SATB2: variants seen among roughly 807,000 people sequenced by gnomAD.
SATB2 encodes the protein SATB homeobox 2, also known as DNA-binding protein SATB2.
SATB2 carries 1 observed loss-of-function variant against 73.4 expected under a neutral mutation model. The observed-to-expected ratio is 0.01, with a 90% confidence interval of 0.00 to 0.06. SATB2 has a LOEUF of 0.06. Ranked by LOEUF, SATB2 falls within the 10% of genes least tolerant of loss-of-function variation. The probability of loss-of-function intolerance (pLI) is 1.00; values close to 1 mark genes in which losing one functional copy is unlikely to be tolerated. For missense variants in SATB2, 459 were observed against 945.8 expected, an observed-to-expected ratio of 0.49 and a Z score of 6.75; for synonymous variants, 397 against 367.0, an observed-to-expected ratio of 1.08 and a Z score of -0.93.
intron 9 of SATB2, among the ~76,000 whole-genome samples, chr2:199,316,871 G>A (rs990372291): frequency 1.4e-4 from 22 of 151,998 alleles, no homozygotes; most frequent in Admixed American, 9.2e-4. Context: ...TAGAATCCTG[G>A]ACTTCTTCAC....
intron 3 of SATB2, chr2:199,396,270 T>C (rs954393233): frequency 2.6e-5 from 4 of 152,208 alleles, no homozygotes; most frequent in African/African-American, 9.7e-5. Context: ...AATAGAGTCA[T>C]AAGAGATGCT....
chr2:199,378,676 G>GCA lies in SATB2; in HGVS notation c.597+1686_597+1687dup, dbSNP rs773370434. ...TCCAAATTCCAAAACACCCTCAAAG[G>GCA]CACACACACACACATTCAGTTCACA... On this transcript the variant is annotated intron_variant, in intron 5 of 10. Transcript: ENST00000417098. 5.9e-5 allele frequency among the ~76,000 whole-genome samples: 9 copies of GCA among 151,660 alleles called. No homozygotes were observed. The East Asian group carries it at 1.2e-3, about 20-fold the overall frequency.
chr2:199,455,155 T>C lies in SATB2; in HGVS notation c.169+714A>G, dbSNP rs1692236717. 6.6e-6 allele frequency among the ~76,000 whole-genome samples: 1 copy of C among 152,254 alleles called. No homozygotes were observed. Among genetic ancestry groups the C allele is most frequent in the African/African-American group, 2.4e-5 (1 of 41,478 alleles). ...CTTTAAAAGAAAGTAGTTGCTTAAG[T>C]AGTAAAAACTACAAAAGATTTTCTT... On this transcript the variant is annotated intron_variant, in intron 2 of 10. Transcript: ENST00000417098. The surrounding 1 kb of genome is among the most constrained non-coding windows in gnomAD (Gnocchi z 4.1).
Position 199,278,529 on chromosome 2 carries a change from G to A in SATB2, c.1741-5857C>T, listed in dbSNP as rs188729552. On this transcript the variant is annotated intron_variant, in intron 10 of 10. Coordinates refer to ENST00000417098, the MANE Select transcript of SATB2 (RefSeq NM_001172509.2). ...AAAATGACACCTGAGAGAGCCACAC[G>A]GCCAGAGCATGGAGTGCTTGGCATT... is the stretch of plus-strand genomic sequence containing the variant. Among the ~76,000 whole-genome samples the A allele has an allele frequency of 1.2e-4, 19 of 152,270 alleles. No individual in the cohort carries two copies. The East Asian group carries it at 3.3e-3, about 26-fold the overall frequency.
intron 10 of SATB2, among the ~76,000 whole-genome samples, chr2:199,282,353 C>A (rs1203792282): frequency 6.6e-6 from 1 of 151,304 alleles, no homozygotes; most frequent in Non-Finnish European, 1.5e-5. Flanking sequence ...GGATATAATT[C>A]TTTTCTGTGT....
At chr2:199,365,567 T>G (rs909601272) in intron 6 of SATB2, among the ~76,000 whole-genome samples, 1 of 152,152 alleles carries the variant, frequency 6.6e-6, no homozygotes, top group Non-Finnish European at 1.5e-5. Flanking sequence ...AAAGTTAACA[T>G]GCTAAGCCAA....
upstream of SATB2, chr2:199,458,718 T>G (rs1692378375): frequency 2.3e-6 from 1 of 434,888 alleles, no homozygotes; most frequent in Non-Finnish European, 4.6e-6. Context: ...GCGGAGTACT[T>G]TCGACTTTGG....
intron 5 of SATB2, among the ~76,000 whole-genome samples, chr2:199,376,882 T>C (rs183306948): frequency 6.6e-6 from 1 of 152,258 alleles, no homozygotes; most frequent in Admixed American, 6.5e-5. Context: ...AAAAGAATAG[T>C]GCATTCTAGC....
chr2:199,343,228 G>C lies in SATB2; in HGVS notation c.1173+5473C>G, dbSNP rs574488224. On this transcript the variant is annotated intron_variant, in intron 7 of 10. Coordinates refer to ENST00000417098, the MANE Select transcript of SATB2 (RefSeq NM_001172509.2). Reference sequence around the variant, plus strand: ...AAATGAACACACACGATTTGCTCTTGGTATAACCATGAAGCACAAATCCAG... The same window carrying C: ...AAATGAACACACACGATTTGCTCTTCGTATAACCATGAAGCACAAATCCAG... 3.3e-5 allele frequency among the ~76,000 whole-genome samples: 5 copies of C among 151,528 alleles called. No homozygotes were observed. The East Asian group carries it at 9.8e-4, about 30-fold the overall frequency.
At chr2:199,364,852 T>C (rs1480472232) in intron 6 of SATB2, among the ~76,000 whole-genome samples, 1 of 152,120 alleles carries the variant, frequency 6.6e-6, no homozygotes, top group Admixed American at 6.6e-5. Context: ...TATAAAAGAT[T>C]CTTTATTAAG....
intron 10 of SATB2, among the ~76,000 whole-genome samples, chr2:199,304,628 A>C (rs184457887): frequency 3.3e-5 from 5 of 152,254 alleles, no homozygotes; most frequent in Admixed American, 2.0e-4. Flanking sequence ...CCAGGAACCA[A>C]TTCTCACCAC....
chr2:199,285,617 T>C (rs1006986464), intron 10 of SATB2, among the ~76,000 whole-genome samples: 2 of 151,806 alleles, frequency 1.3e-5, no homozygotes, highest in South Asian at 2.1e-4. Flanking sequence ...TGATGACAAA[T>C]TGCAGACTAC....
At chr2:199,448,187 G>A (rs921335959) in intron 2 of SATB2, among the ~76,000 whole-genome samples, 3 of 152,126 alleles carry the variant, frequency 2.0e-5, no homozygotes, top group African/African-American at 4.8e-5. Flanking sequence ...TGCATCGTCA[G>A]TAAGCTATTA....
chr2:199,308,867 G>A lies in SATB2; in HGVS notation c.1633C>T (p.Leu545=). Residue 545 remains leucine, a synonymous_variant, in exon 10 of 11, where the codon CTG becomes TTG. Transcript: ENST00000417098. The surrounding 1 kb of genome is among the most constrained non-coding windows in gnomAD (Gnocchi z 4.6). The stretch of plus-strand genomic sequence containing the variant: ...TCCCTCTCATGCTGGGGAAGGTTCA[G>A]GAAGCGACGGATGGTACAGAGGTTT... ...WENLCTIRRF[L]NLPQHERDVI... The A allele has an allele frequency of 6.2e-7, 1 of 1,614,168 alleles. No individual in the cohort carries two copies. Among genetic ancestry groups the A allele is most frequent in the Non-Finnish European group, 8.5e-7 (1 of 1,180,008 alleles).
intron 3 of SATB2, among the ~76,000 whole-genome samples, chr2:199,408,272 T>C (rs1248779853): frequency 6.6e-6 from 1 of 152,168 alleles, no homozygotes; most frequent in African/African-American, 2.4e-5. Flanking sequence ...GCTATAACAC[T>C]TGACTATATA....
At chr2:199,436,911 A>T (rs1338643017) in intron 2 of SATB2, among the ~76,000 whole-genome samples, 2 of 151,090 alleles carry the variant, frequency 1.3e-5, no homozygotes, top group African/African-American at 4.9e-5. Flanking sequence ...AGAGGGAAAA[A>T]GAAAGAAAAA....
intron 6 of SATB2, among the ~76,000 whole-genome samples, chr2:199,361,757 C>CT (rs1420402233): frequency 0.012 from 1,626 of 140,390 alleles, 25 homozygotes; most frequent in African/African-American, 0.035. Flanking sequence ...CCAACCATTT[C>CT]TTTTTTTTTT....
chr2:199,458,767 G>GCCCACCA (rs1302539546), upstream of SATB2: 1 of 258,840 alleles, frequency 3.9e-6, no homozygotes, highest in African/African-American at 3.7e-5. Context: ...CACCGCCTCC[G>GCCCACCA]CCCACCACCC....
chr2:199,309,023 G>T, intron 9 of SATB2, 66 bp from the exon 10 acceptor site: 1 of 1,212,702 alleles, frequency 8.2e-7, no homozygotes, highest in Non-Finnish European at 1.2e-6. Context: ...GGCCTTGACT[G>T]CGGTCCAGTG....
Sources: gnomAD v4.1 joint callset for allele counts (sites outside exome capture counted in the v4.1 genomes callset) on GRCh38, gnomAD v4.1.1 for gene constraint, Gnocchi (gnomAD v3.1) non-coding constraint, MANE v1.5 for transcripts, NCBI Gene and HGNC (gene_info 2026-07-23, HGNC 2026-07-21) for gene names.